Variants in COL6A5 observed in about 807,000 individuals in gnomAD.
COL6A5 encodes collagen alpha-5(VI) chain.
In COL6A5, 48 loss-of-function variants were observed where a neutral mutation model predicts 65.6. The ratio of observed to expected loss-of-function variants is 0.73; its 90% CI spans 0.58 to 0.93. The LOEUF (loss-of-function observed/expected upper bound fraction) is 0.93, where lower values mean the gene tolerates loss of function less well. Ranked by LOEUF, COL6A5 falls within the 40% of genes least tolerant of loss-of-function variation. COL6A5 has a pLI of 0.00. For missense variants in COL6A5, 914 were observed against 928.3 expected, an observed-to-expected ratio of 0.98 and a Z score of 0.20; for synonymous variants, 291 against 322.8, an observed-to-expected ratio of 0.90 and a Z score of 1.05.
At chr3:130,362,272 T>TCTCTCTC (rs1553744426) in intron 1 of COL6A5, among the ~76,000 whole-genome samples, 179 of 14,616 alleles carry the variant, frequency 0.012, 13 homozygotes, top group African/African-American at 0.026. Flanking sequence ...CTCTCTCTCT[T>TCTCTCTC]TGTCTCTGTC....
intron 7 of COL6A5, among the ~76,000 whole-genome samples, chr3:130,482,525 T>C (rs929419185): frequency 6.6e-6 from 1 of 152,168 alleles, no homozygotes; most frequent in African/African-American, 2.4e-5. Context: ...CTTGGCTATT[T>C]GGGCTCTTTT....
At chr3:130,403,728 CAA>C in intron 13 of COL6A5, 66 bp downstream of exon 13, 7 of 1,071,112 alleles carry the variant, frequency 6.5e-6, no homozygotes, top group Admixed American at 3.0e-5. Flanking sequence ...CACACACACA[CAA>C]ACACACACTT....
chr3:130,413,949 A>G (rs1386285711), intron 21 of COL6A5, 120 bp from the exon 22 acceptor site: 1 of 744,480 alleles, frequency 1.3e-6, no homozygotes, highest in Non-Finnish European at 2.3e-6. Flanking sequence ...TAGGCCAAGT[A>G]GAGGGTGAGC....
At chr3:130,405,895 C>A in intron 14 of COL6A5, 98 bp from the exon 15 acceptor site, 1 of 1,207,508 alleles carries the variant, frequency 8.3e-7, no homozygotes, top group Non-Finnish European at 1.2e-6. Flanking sequence ...TAGCCCGAAG[C>A]GACTAAAGAA....
intron 7 of COL6A5, among the ~76,000 whole-genome samples, chr3:130,473,747 A>G (rs1710018179): frequency 6.6e-6 from 1 of 152,118 alleles, no homozygotes; most frequent in Non-Finnish European, 1.5e-5. Flanking sequence ...TAGTAATAAT[A>G]TGAACCTGTG....
intron 7 of COL6A5, chr3:130,477,320 A>G (rs1314359534): frequency 1.2e-5 from 5 of 411,026 alleles, no homozygotes; most frequent in Non-Finnish European, 1.7e-5. Flanking sequence ...AATTAAAAAT[A>G]TAAATCCATT....
chr3:130,408,264 C>T (rs927332824), intron 17 of COL6A5, among the ~76,000 whole-genome samples: 16 of 28,174 alleles, frequency 5.7e-4, no homozygotes, highest in Non-Finnish European at 1.0e-3. Flanking sequence ...AATGCATTCC[C>T]GGTGTGGGGG....
At chr3:130,386,623 T>C (rs1169548709) in intron 5 of COL6A5, among the ~76,000 whole-genome samples, 1 of 152,052 alleles carries the variant, frequency 6.6e-6, no homozygotes, top group Non-Finnish European at 1.5e-5. Context: ...TTCCCCAATG[T>C]TTCCTGGAGT....
intron 4 of COL6A5, among the ~76,000 whole-genome samples, chr3:130,450,383 T>C (rs1328493492): frequency 6.6e-6 from 1 of 152,116 alleles, no homozygotes; most frequent in African/African-American, 2.4e-5. Flanking sequence ...CTTGGCCGCT[T>C]GTAAGTTTTC....
chr3:130,478,639 C>T (rs556626730), intron 7 of COL6A5, among the ~76,000 whole-genome samples: 4 of 152,178 alleles, frequency 2.6e-5, no homozygotes, highest in Admixed American at 6.5e-5. Flanking sequence ...AATCTAACTG[C>T]GGTGCTTTGC....
Position 130,394,841 on chromosome 3 carries a change from A to C in COL6A5, c.2993-49A>C, listed in dbSNP as rs925770431. On this transcript the variant is annotated intron_variant and NMD_transcript_variant, in intron 7 of 41. Transcript: ENST00000312481. ...ATTTAAGTATATGAGGAAAGGAAAAATTTCGAATGATTCATGAGGAAAATA... is the reference window on the plus strand; with the variant it reads ...ATTTAAGTATATGAGGAAAGGAAAACTTTCGAATGATTCATGAGGAAAATA... 8 of 1,430,228 alleles carry C rather than the reference A, an allele frequency of 5.6e-6. No individual in the cohort carries two copies. In the Admixed American group the frequency reaches 1.2e-4, roughly 22 times the overall value. 88.6% of individuals were successfully genotyped at this position (1,430,228 alleles called of 1,614,324 possible). A position where few individuals can be genotyped will look rare whatever the true frequency, so the allele number is the denominator to read the frequency against.
chr3:130,454,129 A>C (rs1025957441), intron 4 of COL6A5, among the ~76,000 whole-genome samples: 5 of 152,214 alleles, frequency 3.3e-5, no homozygotes, highest in African/African-American at 1.2e-4. Flanking sequence ...CAGCTGTTAA[A>C]CCACAACAAG....
intron 4 of COL6A5, among the ~76,000 whole-genome samples, chr3:130,445,704 A>G (rs1354967636): frequency 6.6e-6 from 1 of 152,114 alleles, no homozygotes; most frequent in African/African-American, 2.4e-5. Flanking sequence ...TTCGCATTTT[A>G]AGGGAAAGAA....
At chr3:130,381,985 T>G (rs1394540833) in intron 4 of COL6A5, among the ~76,000 whole-genome samples, 1 of 152,062 alleles carries the variant, frequency 6.6e-6, no homozygotes. Context: ...TGTTGGTACC[T>G]GACTTAAGTT....
At chr3:130,445,806 GA>G (rs1281966475) in intron 4 of COL6A5, among the ~76,000 whole-genome samples, 1 of 152,194 alleles carries the variant, frequency 6.6e-6, no homozygotes, top group East Asian at 1.9e-4. Context: ...CCTTCTGCCA[GA>G]GGAGCAATTG....
At chr3:130,440,806 A>G (rs755854531) in exon 3 of COL6A5, 10 of 1,611,454 alleles carry the variant, frequency 6.2e-6, no homozygotes, top group Non-Finnish European at 6.8e-6. Flanking sequence ...TCTTAAAGCC[A>G]TTTTTATACT....
intron 1 of COL6A5, among the ~76,000 whole-genome samples, chr3:130,435,411 T>C (rs1938000457): frequency 6.6e-6 from 1 of 152,220 alleles, no homozygotes; most frequent in Non-Finnish European, 1.5e-5. Flanking sequence ...TAGGATTGTC[T>C]TGGCTATATG....
chr3:130,463,333 C>A (rs1002696134), intron 5 of COL6A5, among the ~76,000 whole-genome samples: 3 of 151,822 alleles, frequency 2.0e-5, no homozygotes, highest in African/African-American at 7.3e-5. Context: ...AATTTCAAAG[C>A]AGGCCACTGG....
At chr3:130,409,927 C>T in intron 18 of COL6A5, 82 bp from the exon 19 acceptor site, 2 of 941,786 alleles carry the variant, frequency 2.1e-6, no homozygotes, top group Non-Finnish European at 3.3e-6. Flanking sequence ...CCCAAATTAG[C>T]TTAGTACTTG....
Sources: allele counts gnomAD v4.1 joint callset (sites outside exome capture counted in the v4.1 genomes callset), GRCh38; gene constraint gnomAD v4.1.1; transcripts MANE v1.5; gene names NCBI Gene and HGNC (gene_info 2026-07-23, HGNC 2026-07-21).